The following DCDC1 variants were observed in gnomAD, a reference collection of about 807,000 sequenced individuals.
DCDC1 encodes the protein doublecortin domain containing 1.
Under a neutral mutation model 178.3 loss-of-function variants are expected in DCDC1, and 200 were observed. The ratio of observed to expected loss-of-function variants is 1.12; its 90% CI spans 1.00 to 1.26. DCDC1 has a LOEUF of 1.26. Among genes scored for constraint, DCDC1 ranks in the 50% most tolerant of loss-of-function variants. The pLI, the probability that DCDC1 is intolerant of heterozygous loss-of-function variation, is 0.00. For synonymous variants in DCDC1, 690 were observed against 604.8 expected, an observed-to-expected ratio of 1.14 and a Z score of -2.07; for missense variants, 1,983 against 1,749.2, an observed-to-expected ratio of 1.13 and a Z score of -2.38.
chr11:31,212,117 T>A (rs1295785820), intron 9 of DCDC1, among the ~76,000 whole-genome samples: 1 of 150,568 alleles, frequency 6.6e-6, no homozygotes, highest in African/African-American at 2.4e-5. Flanking sequence ...CATAGTTAAG[T>A]AATACCTTTT....
At chr11:31,275,372 T>G (rs1945901846) in intron 7 of DCDC1, among the ~76,000 whole-genome samples, 1 of 152,184 alleles carries the variant, frequency 6.6e-6, no homozygotes, top group Non-Finnish European at 1.5e-5. Context: ...GTAGTAACAC[T>G]GTTGGCTGCC....
intron 7 of DCDC1, among the ~76,000 whole-genome samples, chr11:31,275,211 G>A (rs2137215336): frequency 6.6e-6 from 1 of 152,196 alleles, no homozygotes; most frequent in Admixed American, 6.5e-5. Flanking sequence ...TGATAAGCTA[G>A]CAAAAAATTC....
intron 8 of DCDC1, among the ~76,000 whole-genome samples, chr11:31,245,248 C>T (rs1257012085): frequency 2.0e-5 from 3 of 151,162 alleles, no homozygotes; most frequent in Non-Finnish European, 3.0e-5. Context: ...TGTCCCCTCC[C>T]ACTTTCATCC....
intron 9 of DCDC1, among the ~76,000 whole-genome samples, chr11:31,155,503 A>C (rs1475321515): frequency 6.6e-6 from 1 of 152,232 alleles, no homozygotes; most frequent in African/African-American, 2.4e-5. Flanking sequence ...AATTCTTTTT[A>C]TGTCACATGT....
intron 20 of DCDC1, among the ~76,000 whole-genome samples, chr11:31,003,956 G>C (rs187330033): frequency 7.9e-5 from 12 of 152,270 alleles, no homozygotes; most frequent in Admixed American, 1.3e-4. Context: ...TGGTACGAAT[G>C]ATGACGGCTA....
At chr11:31,068,006 A>T (rs552964700) in intron 18 of DCDC1, among the ~76,000 whole-genome samples, 27 of 152,188 alleles carry the variant, frequency 1.8e-4, no homozygotes, top group Non-Finnish European at 3.5e-4. Context: ...TAGGTGAATT[A>T]TATGTTATGT....
chr11:31,121,892 A>G (rs1329518721), intron 11 of DCDC1, among the ~76,000 whole-genome samples: 1 of 152,176 alleles, frequency 6.6e-6, no homozygotes, highest in Non-Finnish European at 1.5e-5. Flanking sequence ...TACTAGGGCT[A>G]TGTAAGCTAT....
At chr11:30,976,720 T>C (rs767604847) in intron 20 of DCDC1, among the ~76,000 whole-genome samples, 3 of 152,128 alleles carry the variant, frequency 2.0e-5, no homozygotes, top group Non-Finnish European at 2.9e-5. Flanking sequence ...GAAACTCTTA[T>C]ACACTGTTGG....
intron 20 of DCDC1, among the ~76,000 whole-genome samples, chr11:30,996,584 G>C (rs1024255703): frequency 6.6e-6 from 1 of 152,082 alleles, no homozygotes; most frequent in African/African-American, 2.4e-5. Flanking sequence ...CATCCCTTTT[G>C]CCCTTTCTGT....
chr11:31,012,850 T>C (rs1467535814), intron 20 of DCDC1, among the ~76,000 whole-genome samples: 2 of 152,174 alleles, frequency 1.3e-5, no homozygotes, highest in African/African-American at 2.4e-5. Context: ...AACCATGCTA[T>C]ATCTTGTTGA....
At chr11:31,028,573 A>T (rs1028761527) in intron 20 of DCDC1, among the ~76,000 whole-genome samples, 1 of 151,976 alleles carries the variant, frequency 6.6e-6, no homozygotes, top group Non-Finnish European at 1.5e-5. Context: ...AGGTAGTAAA[A>T]ACTCAGAGAA....
chr11:31,331,043 T>C (rs1331347021), intron 2 of DCDC1, among the ~76,000 whole-genome samples: 1 of 152,222 alleles, frequency 6.6e-6, no homozygotes, highest in Non-Finnish European at 1.5e-5. Context: ...GTTCAATTTG[T>C]TTCTGTCCTC....
At chr11:31,137,122 T>A (rs113558641) in intron 10 of DCDC1, among the ~76,000 whole-genome samples, 118 of 152,314 alleles carry the variant, frequency 7.7e-4, no homozygotes, top group African/African-American at 2.6e-3. Flanking sequence ...TGTAACAATT[T>A]ACTAATTTAG....
chr11:31,235,907 TACAGA>T (rs1342778229), intron 9 of DCDC1, among the ~76,000 whole-genome samples: 1 of 152,042 alleles, frequency 6.6e-6, no homozygotes, highest in Admixed American at 6.6e-5. Context: ...TCTCTGGTTT[TACAGA>T]ACTGAATTAC....
At chr11:30,921,968 G>A (rs943351119) in intron 24 of DCDC1, among the ~76,000 whole-genome samples, 1 of 152,106 alleles carries the variant, frequency 6.6e-6, no homozygotes, top group Admixed American at 6.6e-5. Flanking sequence ...TCATAGTCAG[G>A]CTCCAGAGGG....
intron 9 of DCDC1, among the ~76,000 whole-genome samples, chr11:31,147,455 T>A (rs1027181583): frequency 1.1e-4 from 16 of 152,148 alleles, no homozygotes; most frequent in African/African-American, 3.4e-4. Flanking sequence ...TGTGACAAAT[T>A]CTAGGGATGC....
chr11:30,899,477 C>A, intron 34 of DCDC1, 64 bp downstream of exon 34: 1 of 1,057,816 alleles, frequency 9.5e-7, no homozygotes, highest in South Asian at 3.0e-5. Flanking sequence ...AGAAAATAAC[C>A]ATTAGCAATT....
intron 29 of DCDC1, 27 bp from the exon 30 acceptor site, chr11:30,906,752 A>G: frequency 6.3e-7 from 1 of 1,588,094 alleles, no homozygotes; most frequent in Non-Finnish European, 8.6e-7. Context: ...AGATGGCTTT[A>G]TATAGGAGCA....
At chr11:30,910,664 A>C (rs1945380069) in intron 28 of DCDC1, among the ~76,000 whole-genome samples, 1 of 152,136 alleles carries the variant, frequency 6.6e-6, no homozygotes, top group Non-Finnish European at 1.5e-5. Flanking sequence ...GCAAGGAAAA[A>C]CACATATTCG....
Sources: allele counts gnomAD v4.1 joint callset (sites outside exome capture counted in the v4.1 genomes callset), GRCh38; gene constraint gnomAD v4.1.1; transcripts MANE v1.5; gene names NCBI Gene and HGNC (gene_info 2026-07-23, HGNC 2026-07-21).